PPP6R3: variants seen among roughly 807,000 people sequenced by gnomAD.
PPP6R3 encodes serine/threonine-protein phosphatase 6 regulatory subunit 3.
In PPP6R3, 38 loss-of-function variants were observed where a neutral mutation model predicts 110.7. The observed-to-expected ratio is 0.34, with a 90% CI of 0.26 to 0.45. The LOEUF (loss-of-function observed/expected upper bound fraction) is 0.45. Among genes scored for constraint, PPP6R3 ranks in the 20% least tolerant of loss-of-function variants. The probability of loss-of-function intolerance (pLI) is 1.00; values close to 1 mark genes in which losing one functional copy is unlikely to be tolerated. For synonymous variants in PPP6R3, 369 were observed against 373.5 expected, an observed-to-expected ratio of 0.99 and a Z score of 0.14; for missense variants, 870 against 1,062.4, an observed-to-expected ratio of 0.82 and a Z score of 2.52.
chr11:68,497,228 G>A (rs867773422), intron 1 of PPP6R3, among the ~76,000 whole-genome samples: 2 of 48,706 alleles, frequency 4.1e-5, no homozygotes, highest in African/African-American at 1.8e-4. Flanking sequence ...TTTTTTTTTT[G>A]TATTTTTAGT....
chr11:68,479,798 G>A (rs566305284), intron 1 of PPP6R3, among the ~76,000 whole-genome samples: 1 of 152,026 alleles, frequency 6.6e-6, no homozygotes, highest in South Asian at 2.1e-4. Context: ...GAGTGCAGTG[G>A]TGCTATCCTG....
Position 68,578,049 on chromosome 11 carries a change from A to G in PPP6R3, c.1545+2006A>G, listed in dbSNP as rs527990384. Among the ~76,000 whole-genome samples, 17 of 152,152 alleles carry G rather than the reference A, an allele frequency of 1.1e-4. No individual in the cohort carries two copies. The East Asian group carries it at 2.9e-3, about 26-fold the overall frequency. ...ATTCCCGAGCCCTTTCTTAAATACC[A>G]CTTCCGTTTAGTCTTAAGTCCTTCT... On this transcript the variant is annotated intron_variant, in intron 14 of 23. Coordinates refer to ENST00000393800, the MANE Select transcript of PPP6R3 (RefSeq NM_001164161.2).
chr11:68,502,906 T>C (rs1378033034), intron 1 of PPP6R3, among the ~76,000 whole-genome samples: 1 of 152,238 alleles, frequency 6.6e-6, no homozygotes, highest in Non-Finnish European at 1.5e-5. Context: ...GTTTTGGTTT[T>C]ATAAATTTGG....
At chr11:68,590,466 C>G (rs530076227) in intron 16 of PPP6R3, among the ~76,000 whole-genome samples, 194 bp from the exon 17 acceptor site, 14 of 152,246 alleles carry the variant, frequency 9.2e-5, no homozygotes, top group African/African-American at 3.4e-4. Flanking sequence ...TGCAGCCCTC[C>G]TATCCTACAT....
In PPP6R3 at chr11:68,548,131, C is replaced by G. The variant is rs772126024; in HGVS notation, c.479C>G (p.Ser160Cys). Residue 160 changes from serine to cysteine, a missense_variant, in exon 5 of 24, where the codon TCT becomes TGT. Transcript: ENST00000393800. ...VDLIIKHIGT[S>C]AIMDLLLRLL... is the part of the protein sequence containing the mutation. The stretch of plus-strand genomic sequence containing the variant: ...CTTATTATAAAGCACATAGGAACTT[C>G]TGCTATCATGGATTTGTTGCTCAGG... 2.5e-6 allele frequency: 4 copies of G among 1,613,900 alleles called. No homozygotes were observed.
intron 1 of PPP6R3, among the ~76,000 whole-genome samples, chr11:68,484,171 G>A (rs2098932038): frequency 6.6e-6 from 1 of 152,218 alleles, no homozygotes; most frequent in African/African-American, 2.4e-5. Flanking sequence ...TAAAGATGCT[G>A]TAAATATCCG....
At chr11:68,546,760 G>A (rs2099350783) in intron 4 of PPP6R3, among the ~76,000 whole-genome samples, 1 of 152,198 alleles carries the variant, frequency 6.6e-6, no homozygotes, top group Non-Finnish European at 1.5e-5. Flanking sequence ...CAGCACCCCA[G>A]CGGGGTCATC....
chr11:68,541,926 C>T (rs949966442), intron 3 of PPP6R3, among the ~76,000 whole-genome samples: 1 of 151,860 alleles, frequency 6.6e-6, no homozygotes, highest in Admixed American at 6.6e-5. Context: ...TTGGAGGGGC[C>T]CAGGTGAAAG....
At chr11:68,603,530 A>C (rs768958944) in intron 22 of PPP6R3, 38 bp downstream of exon 22, 1 of 1,612,484 alleles carries the variant, frequency 6.2e-7, no homozygotes, top group South Asian at 1.1e-5. Context: ...GCTTCAGGTT[A>C]TTGGGAGGAT....
chr11:68,497,771 A>G (rs931727075), intron 1 of PPP6R3, among the ~76,000 whole-genome samples: 4 of 152,080 alleles, frequency 2.6e-5, no homozygotes, highest in Non-Finnish European at 4.4e-5. Flanking sequence ...TTGAAGTGCA[A>G]TTTATCTTAT....
chr11:68,600,265 G>A (rs1169143166), intron 19 of PPP6R3, 76 bp from the exon 20 acceptor site: 1 of 1,487,320 alleles, frequency 6.7e-7, no homozygotes, highest in Non-Finnish European at 9.3e-7. Context: ...TTTTGCTAAT[G>A]TGTTTTTGAT....
chr11:68,528,828 G>A (rs538920746), intron 2 of PPP6R3, among the ~76,000 whole-genome samples: 1 of 152,220 alleles, frequency 6.6e-6, no homozygotes, highest in East Asian at 1.9e-4. Flanking sequence ...GTCAGGCACT[G>A]TTCAACTAAG....
Position 68,544,994 on chromosome 11 carries a change from A to G in PPP6R3, c.384A>G (p.Leu128=), listed in dbSNP as rs1431325216. 1 of 1,608,900 alleles carries G rather than the reference A, an allele frequency of 6.2e-7. No homozygotes were observed. Among genetic ancestry groups the G allele is most frequent in the African/African-American group, 1.3e-5 (1 of 74,772 alleles). The part of the protein sequence containing the change: ...PLLASFFSKV[L]SILISRKPEQ... ...TTGCCAGTTTCTTCAGCAAGGTGCT[A>G]AGTATTCTTATCAGCAGAAAACCAG... is the stretch of plus-strand genomic sequence containing the variant. Residue 128 remains leucine, a synonymous_variant, in exon 4 of 24, where the codon CTA becomes CTG. Transcript: ENST00000393800.
chr11:68,563,056 T>G (rs2153740248), intron 8 of PPP6R3, among the ~76,000 whole-genome samples: 1 of 151,616 alleles, frequency 6.6e-6, no homozygotes, highest in South Asian at 2.1e-4. Flanking sequence ...GCCTAGCACT[T>G]TGGGAGGCTG....
At chr11:68,586,307 G>A (rs1436162005) in intron 15 of PPP6R3, 1 of 152,162 alleles carries the variant, frequency 6.6e-6, no homozygotes, top group Non-Finnish European at 1.5e-5. Flanking sequence ...CTGCAGTTCA[G>A]AAGAACTGAT....
chr11:68,600,641 C>T, intron 20 of PPP6R3, 147 bp downstream of exon 20: 1 of 878,974 alleles, frequency 1.1e-6, no homozygotes, highest in Non-Finnish European at 1.7e-6. Context: ...CATACTAACA[C>T]AGCTCTGTGT....
At chr11:68,525,910 C>A (rs2099194739) in intron 2 of PPP6R3, among the ~76,000 whole-genome samples, 1 of 152,162 alleles carries the variant, frequency 6.6e-6, no homozygotes, top group Non-Finnish European at 1.5e-5. Flanking sequence ...TCACTTAATA[C>A]AAACCACACT....
intron 15 of PPP6R3, chr11:68,586,167 G>A (rs975661777): frequency 6.6e-6 from 1 of 152,032 alleles, no homozygotes; most frequent in East Asian, 1.9e-4. Context: ...TTTCCCTCAC[G>A]TGACCACATT....
At chr11:68,556,020 G>A (rs2099398024) in intron 7 of PPP6R3, among the ~76,000 whole-genome samples, 1 of 152,070 alleles carries the variant, frequency 6.6e-6, no homozygotes, top group Non-Finnish European at 1.5e-5. Context: ...AATAGCATCT[G>A]TATATATTTG....
Sources: allele counts gnomAD v4.1 joint callset (sites outside exome capture counted in the v4.1 genomes callset), GRCh38; gene constraint gnomAD v4.1.1; transcripts MANE v1.5; gene names NCBI Gene and HGNC (gene_info 2026-07-23, HGNC 2026-07-21).